The following EML6 variants were observed in gnomAD, a reference collection of about 807,000 sequenced individuals.
The protein encoded by EML6 is echinoderm microtubule-associated protein-like 6.
EML6 carries 154 observed loss-of-function variants against 240.1 expected under a neutral mutation model. That is an observed-to-expected ratio of 0.64 (90% CI 0.56 to 0.73). EML6 has a LOEUF of 0.73. Among genes scored for constraint, EML6 ranks in the 30% least tolerant of loss-of-function variants. The pLI, the probability that EML6 is intolerant of heterozygous loss-of-function variation, is 0.00. For synonymous variants in EML6, 1,148 were observed against 899.0 expected (o/e 1.28, Z -4.95); for missense variants, 2,964 against 2,474.6 (o/e 1.20, Z -4.20).
Position 54,870,662 on chromosome 2 carries a change from G to A in EML6, c.2239-838G>A, listed in dbSNP as rs80265905. On this transcript the variant is annotated intron_variant, in intron 15 of 41. Coordinates refer to ENST00000356458, the MANE Select transcript of EML6 (RefSeq NM_001039753.4). ...GTGCTTGATTCACGTGTATTTAATA[G>A]CCTCTTTTTTTAAGTAAAAGCCAGA... is the stretch of plus-strand genomic sequence containing the variant. 3.7e-3 allele frequency among the ~76,000 whole-genome samples: 559 copies of A among 152,068 alleles called. 4 individuals carry two copies. The highest frequency in any genetic ancestry group is 9.0e-3 in the African/African-American group (375 of 41,502).
chr2:54,850,107 G>A lies in EML6; in HGVS notation c.1333G>A (p.Gly445Arg), dbSNP rs1456275204. Residue 445 changes from glycine (G) to arginine (R), a missense_variant, in exon 10 of 42, where the codon GGA becomes AGA. Coordinates refer to ENST00000356458, the MANE Select transcript of EML6 (RefSeq NM_001039753.4). ...TGTTGCCCAGAGGTATAAGAAAATT[G>A]GAGAATGCAGCAAGTCCCTTAGTTT... ...YAVAQRYKKI[G>R]ECSKSLSFIT... 1.9e-6 allele frequency: 3 copies of A among 1,552,058 alleles called. No homozygotes were observed. The highest frequency in any genetic ancestry group is 4.9e-5 in the East Asian group (2 of 40,922).
chr2:54,844,254 G>A lies in EML6; in HGVS notation c.1049+6G>A. On this transcript the variant is annotated splice_donor_region_variant and intron_variant, in intron 8 of 41. Coordinates refer to ENST00000356458, the MANE Select transcript of EML6 (RefSeq NM_001039753.4). The stretch of plus-strand genomic sequence containing the variant: ...AGCGATGACCGCTCTGTCAGGTGAG[G>A]CCCTACCGCCGTCACCTCTCTGACT... 6.4e-7 allele frequency: 1 copy of A among 1,550,550 alleles called. No homozygotes were observed. Among genetic ancestry groups the A allele is most frequent in the African/African-American group, 1.4e-5 (1 of 73,148 alleles).
chr2:54,822,607 A>G (rs1668383984), intron 5 of EML6, among the ~76,000 whole-genome samples: 1 of 152,224 alleles, frequency 6.6e-6, no homozygotes, highest in Admixed American at 6.5e-5. Context: ...GGAAATATTC[A>G]AAATCTATTA....
intron 7 of EML6, among the ~76,000 whole-genome samples, chr2:54,838,070 T>G (rs564660430): frequency 1.3e-5 from 2 of 152,230 alleles, no homozygotes; most frequent in African/African-American, 2.4e-5. Flanking sequence ...CTCTGTGAGT[T>G]TGCAGTGCCA....
rs186047433 is a variant in EML6, at chr2:54,843,768, G to A, written c.848-279G>A. Among the ~76,000 whole-genome samples the A allele has an allele frequency of 8.7e-3, 1,304 of 150,640 alleles. 20 individuals carry two copies. Among genetic ancestry groups the A allele is most frequent in the Middle Eastern group, 0.014 (4 of 292 alleles). ...TGAGGCAGGAGAATGGCGTGAACCC[G>A]GGAGGCGGAGGCTGCAGTGAGCTGA... On this transcript the variant is annotated intron_variant, in intron 7 of 41. Coordinates refer to ENST00000356458, the MANE Select transcript of EML6 (RefSeq NM_001039753.4).
rs1349821192 is a variant in EML6 at position 54,725,999 on chromosome 2, A to G, written c.197+741A>G. On this transcript the variant is annotated intron_variant, in intron 2 of 41. Coordinates refer to ENST00000356458, the MANE Select transcript of EML6 (RefSeq NM_001039753.4). The surrounding 1 kb of genome is among the most constrained non-coding windows in gnomAD (Gnocchi z 4.3). ...AATGGCCGTTTTAGGGGCCCTCCCG[A>G]TTAAATGGAAAGGGGTTATATTGTG... Among the ~76,000 whole-genome samples, 1 of 152,198 alleles carries G rather than the reference A, an allele frequency of 6.6e-6. No homozygotes were observed. The highest frequency in any genetic ancestry group is 1.5e-5 in the Non-Finnish European group (1 of 68,034).
chr2:54,854,753 T>G (rs1231249216), intron 11 of EML6, among the ~76,000 whole-genome samples: 2 of 152,220 alleles, frequency 1.3e-5, no homozygotes, highest in African/African-American at 2.4e-5. Flanking sequence ...CACTGAAACA[T>G]CACAAAATGA....
At chr2:54,761,558 T>G (rs1667982897) in intron 2 of EML6, among the ~76,000 whole-genome samples, 1 of 152,204 alleles carries the variant, frequency 6.6e-6, no homozygotes, top group Non-Finnish European at 1.5e-5. Flanking sequence ...AGTGGACATT[T>G]ATGAATCACA....
chr2:54,808,306 T>C (rs1270426577), intron 2 of EML6, among the ~76,000 whole-genome samples: 1 of 152,224 alleles, frequency 6.6e-6, no homozygotes, highest in Non-Finnish European at 1.5e-5. Context: ...AAATCAGGCC[T>C]GCCTTTGCCT....
intron 16 of EML6, among the ~76,000 whole-genome samples, chr2:54,878,953 T>A (rs777628050): frequency 6.6e-6 from 1 of 152,242 alleles, no homozygotes; most frequent in Non-Finnish European, 1.5e-5. Context: ...ATTTTCTAAA[T>A]TTCCTATAAC....
chr2:54,929,158 C>T (rs1057333062), intron 28 of EML6, among the ~76,000 whole-genome samples: 9 of 152,176 alleles, frequency 5.9e-5, no homozygotes, highest in Admixed American at 4.6e-4. Flanking sequence ...TGTGAAAAAC[C>T]ATCTTCCATT....
intron 11 of EML6, among the ~76,000 whole-genome samples, chr2:54,857,889 A>T (rs72808632): frequency 0.013 from 1,986 of 152,316 alleles, 22 homozygotes; most frequent in Non-Finnish European, 0.021. Flanking sequence ...GAGAGAGATA[A>T]GGCCTAAGTA....
intron 41 of EML6, among the ~76,000 whole-genome samples, chr2:54,969,784 G>T (rs1319323163): frequency 6.6e-6 from 1 of 152,210 alleles, no homozygotes; most frequent in Non-Finnish European, 1.5e-5. Context: ...ATAGTAACAG[G>T]AGAGAGTGTG....
intron 22 of EML6, 68 bp downstream of exon 22, chr2:54,899,850 C>T (rs1672963496): frequency 1.4e-6 from 2 of 1,446,190 alleles, no homozygotes; most frequent in Non-Finnish European, 1.9e-6. Flanking sequence ...TATTTATTCA[C>T]TCAGTTAATA....
At position 54,892,650 on chromosome 2, in the gene EML6, G is replaced by T; in HGVS notation, c.2736G>T (p.Leu912=). 1 of 1,550,634 alleles carries T rather than the reference G, an allele frequency of 6.4e-7. No individual in the cohort carries two copies. The highest frequency in any genetic ancestry group is 8.7e-7 in the Non-Finnish European group (1 of 1,146,076). ...GGCCTGTGTTTGCTATGTATGCACT[G>T]GATAAGGTATGGCCTGTGTATCAGC... ...HDGPVFAMYA[L]DKGFVTGGKD... The change falls in exon 19 of 42, where the codon CTG becomes CTT. Residue 912 remains leucine, a synonymous_variant. Coordinates refer to ENST00000356458, the MANE Select transcript of EML6 (RefSeq NM_001039753.4).
intron 2 of EML6, among the ~76,000 whole-genome samples, chr2:54,759,879 T>C (rs1373069724): frequency 6.6e-6 from 1 of 150,528 alleles, no homozygotes; most frequent in Non-Finnish European, 1.5e-5. Context: ...CATATATATA[T>C]ATATAAAATC....
At chr2:54,803,141 G>T (rs1314177924) in intron 2 of EML6, among the ~76,000 whole-genome samples, 1 of 152,178 alleles carries the variant, frequency 6.6e-6, no homozygotes, top group East Asian at 1.9e-4. Context: ...TGAAACTGAA[G>T]GGGAAGGGAG....
chr2:54,850,497 G>C (rs528529357), intron 10 of EML6: 2 of 342,278 alleles, frequency 5.8e-6, no homozygotes, highest in Admixed American at 4.2e-5. Context: ...GCATAGACTA[G>C]GCATAAATTC....
At position 54,890,940 on chromosome 2, in the gene EML6, C is replaced by T. The variant is rs1446683766; in HGVS notation, c.2439-114C>T. ...GCCCGTGTGGATTTTAAACCATTTTCTAATTTAATGGTCCTGTTAGATGTG... is the reference window on the plus strand; with the variant it reads ...GCCCGTGTGGATTTTAAACCATTTTTTAATTTAATGGTCCTGTTAGATGTG... On this transcript the variant is annotated intron_variant, in intron 17 of 41. Coordinates refer to ENST00000356458, the MANE Select transcript of EML6 (RefSeq NM_001039753.4). 7.3e-5 allele frequency: 35 copies of T among 479,730 alleles called. No individual in the cohort carries two copies. The East Asian group carries it at 8.6e-4, about 12-fold the overall frequency. 29.7% of individuals were successfully genotyped at this position (479,730 alleles called of 1,614,324 possible). A position where few individuals can be genotyped will look rare whatever the true frequency, so the allele number is the denominator to read the frequency against.
Sources: allele counts gnomAD v4.1 joint callset (sites outside exome capture counted in the v4.1 genomes callset), GRCh38; gene constraint gnomAD v4.1.1; non-coding constraint Gnocchi (gnomAD v3.1); transcripts MANE v1.5; gene names NCBI Gene and HGNC (gene_info 2026-07-23, HGNC 2026-07-21).